Variants in BIRC7 observed in about 807,000 individuals in gnomAD.
BIRC7 encodes baculoviral IAP repeat-containing protein 7.
In BIRC7, 26 loss-of-function variants were observed where a neutral mutation model predicts 33.2. The observed-to-expected ratio is 0.78, with a 90% CI of 0.57 to 1.09. The LOEUF (loss-of-function observed/expected upper bound fraction) is 1.09, where lower values mean the gene tolerates loss of function less well. BIRC7 is among the 50% of genes least tolerant of loss of function. The pLI is 0.00. For missense variants in BIRC7, 409 were observed against 401.2 expected (o/e 1.02, Z -0.17); for synonymous variants, 176 against 171.0 (o/e 1.03, Z -0.23).
chr20:63,239,473 C>T lies in BIRC7; in HGVS notation c.765C>T (p.Cys255=). The T allele has an allele frequency of 1.2e-6, 2 of 1,606,896 alleles. No individual in the cohort carries two copies. Among genetic ancestry groups the T allele is most frequent in the Non-Finnish European group, 8.5e-7 (1 of 1,179,870 alleles). The change falls in exon 6 of 7, where the codon TGC becomes TGT. Residue 255 remains cysteine (C), a synonymous_variant. Coordinates refer to ENST00000217169, the MANE Select transcript of BIRC7 (RefSeq NM_139317.3). ...RLQEERTCKV[C]LDRAVSIVFV... Reference sequence around the variant, plus strand: ...AGGAGGAGAGGACGTGCAAGGTGTGCCTGGACCGCGCCGTGTCCATCGTCT... The same window carrying T: ...AGGAGGAGAGGACGTGCAAGGTGTGTCTGGACCGCGCCGTGTCCATCGTCT...
At chr20:63,237,846 C>CG in intron 1 of BIRC7, 57 bp from the exon 2 acceptor site, 1 of 1,473,362 alleles carries the variant, frequency 6.8e-7, no homozygotes, top group Non-Finnish European at 9.1e-7. Flanking sequence ...AAGGACACAC[C>CG]GGGGGCCCGG....
chr20:63,238,815 C>A (rs744591), intron 4 of BIRC7: 327,524 of 708,206 alleles, frequency 0.46, 77,045 homozygotes, highest in East Asian at 0.54. Context: ...CCCCCAGTGC[C>A]AGGCCCCATT....
chr20:63,238,971 T>G, intron 4 of BIRC7, 191 bp from the exon 5 acceptor site: 1 of 667,230 alleles, frequency 1.5e-6, no homozygotes, highest in Non-Finnish European at 2.6e-6. Context: ...GGCTCTCTGG[T>G]GGCGCCTCCA....
At chr20:63,236,559 G>A in intron 1 of BIRC7, 114 bp downstream of exon 1, 1 of 1,379,552 alleles carries the variant, frequency 7.2e-7, no homozygotes, top group South Asian at 1.8e-5. Context: ...GAAGGGTCTG[G>A]CCTGATGACG....
chr20:63,237,121 T>C (rs571621189), intron 1 of BIRC7, among the ~76,000 whole-genome samples: 17 of 152,270 alleles, frequency 1.1e-4, no homozygotes, highest in African/African-American at 3.9e-4. Context: ...GCCATGGTCA[T>C]TGTCAGCAGT....
Position 63,236,464 on chromosome 20 carries a change from G to A in BIRC7, c.349+19G>A, listed in dbSNP as rs1024741398. On this transcript the variant is annotated intron_variant, in intron 1 of 6. Coordinates refer to ENST00000217169, the MANE Select transcript of BIRC7 (RefSeq NM_139317.3). ...CACACAGGTCAGTCCCGGGCGGGGG[G>A]GCCTTCCTGCCGTGGGCCTGGGCAC... 2.7e-6 allele frequency: 4 copies of A among 1,507,950 alleles called. No individual in the cohort carries two copies. The highest frequency in any genetic ancestry group is 1.4e-5 in the African/African-American group (1 of 71,862). The allele number at this position is 1,507,950 out of a possible 1,614,324, so 93.4% of individuals were successfully genotyped here.
chr20:63,236,129 C>A lies in BIRC7; in HGVS notation c.33C>A (p.His11Gln). The A allele has an allele frequency of 6.3e-7, 1 of 1,577,880 alleles. No individual in the cohort carries two copies. The highest frequency in any genetic ancestry group is 1.1e-5 in the South Asian group (1 of 87,236). Residue 11 changes from histidine (H) to glutamine (Q), a missense_variant, in exon 1 of 7, where the codon CAC becomes CAA. Transcript: ENST00000217169. ...CTAAAGACAGTGCCAAGTGCCTGCA[C>A]CGTGGACCACAGCCGAGCCACTGGG... MGPKDSAKCLHRGPQPSHWAA... is the reference protein window; with the variant it reads MGPKDSAKCLQRGPQPSHWAA...
At chr20:63,237,828 A>G in intron 1 of BIRC7, 75 bp from the exon 2 acceptor site, 1 of 1,320,178 alleles carries the variant, frequency 7.6e-7, no homozygotes, top group Non-Finnish European at 1.0e-6. Flanking sequence ...AAGCTCTCAT[A>G]GCCTTGGAAG....
rs2066685612 is a variant in BIRC7, at chr20:63,236,037, T to C, written c.-60T>C. The C allele has an allele frequency of 1.4e-6, 2 of 1,461,240 alleles. No individual in the cohort carries two copies. Among genetic ancestry groups the C allele is most frequent in the Non-Finnish European group, 1.8e-6 (2 of 1,092,176 alleles). 90.5% of individuals were successfully genotyped at this position (1,461,240 alleles called of 1,614,324 possible). On this transcript the variant is annotated 5_prime_UTR_variant, in exon 1 of 7. Coordinates refer to ENST00000217169, the MANE Select transcript of BIRC7 (RefSeq NM_139317.3). ...CCAGAAGGGCCAGCTGGGCATATTC[T>C]GAGATTGGCCATCAGCCCCCATTTC... is the stretch of plus-strand genomic sequence containing the variant.
rs201443011 is a variant in BIRC7 at position 63,239,509 on chromosome 20, C to T, written c.801C>T (p.Cys267=). ...DRAVSIVFVP[C]GHLVCAECAP... ...CCGTGTCCATCGTCTTTGTGCCGTG[C>T]GGCCACCTGGTCTGTGCTGAGTGTG... Residue 267 remains cysteine, a synonymous_variant, in exon 6 of 7, where the codon TGC becomes TGT. Coordinates refer to ENST00000217169, the MANE Select transcript of BIRC7 (RefSeq NM_139317.3). 135 of 1,605,918 alleles carry T rather than the reference C, an allele frequency of 8.4e-5. No individual in the cohort carries two copies. Among genetic ancestry groups the T allele is most frequent in the Admixed American group, 1.2e-4 (7 of 59,986 alleles).
chr20:63,239,267 G>C (rs201147952), intron 5 of BIRC7, 34 bp downstream of exon 5: 17 of 1,609,928 alleles, frequency 1.1e-5, no homozygotes, highest in South Asian at 1.1e-5. Context: ...TGAGGGCTGG[G>C]GCAGGGGAGG....
intron 1 of BIRC7, 148 bp from the exon 2 acceptor site, chr20:63,237,755 C>T (rs1601255264): frequency 3.3e-6 from 2 of 603,576 alleles, no homozygotes; most frequent in Non-Finnish European, 5.6e-6. Flanking sequence ...AAGTGACATC[C>T]CCCACCAAGC....
Position 63,238,466 on chromosome 20 carries a change from C to T in BIRC7, c.520C>T (p.Leu174=), listed in dbSNP as rs774695783. 5 of 1,612,802 alleles carry T rather than the reference C, an allele frequency of 3.1e-6. No homozygotes were observed. The East Asian group carries it at 1.1e-4, about 36-fold the overall frequency. ...TGTGCAGGAGACTCACTCCCAGCTG[C>T]TGGGCTCCTGGGTGAGCGCCACCTC... is the stretch of plus-strand genomic sequence containing the variant. ...HSVQETHSQL[L]GSWDPWEEPE... is the part of the protein sequence containing the mutation. Residue 174 remains leucine, a synonymous_variant, in exon 3 of 7, where the codon CTG becomes TTG. Coordinates refer to ENST00000217169, the MANE Select transcript of BIRC7 (RefSeq NM_139317.3).
intron 1 of BIRC7, 143 bp from the exon 2 acceptor site, chr20:63,237,760 C>A: frequency 1.6e-6 from 1 of 626,368 alleles, no homozygotes; most frequent in Non-Finnish European, 2.7e-6. Context: ...ACATCCCCCA[C>A]CAAGCCCCCT....
chr20:63,238,255 C>A (rs6010878), intron 2 of BIRC7, 141 bp from the exon 3 acceptor site: 687,870 of 1,071,176 alleles, frequency 0.64, 223,217 homozygotes, highest in East Asian at 0.87. Context: ...GGCGTCTCCA[C>A]AGCAGCCCTC....
intron 2 of BIRC7, 134 bp from the exon 3 acceptor site, chr20:63,238,262 C>G: frequency 4.5e-6 from 5 of 1,122,132 alleles, no homozygotes; most frequent in Non-Finnish European, 6.6e-6. Flanking sequence ...CCACAGCAGC[C>G]CTCCTCGCCC....
Position 63,236,084 on chromosome 20 carries a change from C to A in BIRC7, c.-13C>A. ...TTTCTGCTGCAAACCTGGTCAGAGC[C>A]AGTGTTCCCTCCATGGGACCTAAAG... On this transcript the variant is annotated 5_prime_UTR_variant, in exon 1 of 7. Coordinates refer to ENST00000217169, the MANE Select transcript of BIRC7 (RefSeq NM_139317.3). The A allele has an allele frequency of 2.0e-6, 3 of 1,520,898 alleles. No individual in the cohort carries two copies. The highest frequency in any genetic ancestry group is 2.7e-6 in the Non-Finnish European group (3 of 1,124,144). The allele number at this position is 1,520,898 out of a possible 1,614,324, so 94.2% of individuals were successfully genotyped here.
intron 2 of BIRC7, 75 bp from the exon 3 acceptor site, chr20:63,238,319 GAC>G: frequency 6.4e-7 from 1 of 1,559,216 alleles, no homozygotes; most frequent in Non-Finnish European, 8.8e-7. Flanking sequence ...GCCCAACCCT[GAC>G]CCCCGGGGAT....
At chr20:63,238,721 C>A in intron 4 of BIRC7, 107 bp downstream of exon 4, 1 of 1,461,728 alleles carries the variant, frequency 6.8e-7, no homozygotes, top group South Asian at 1.2e-5. Flanking sequence ...GAGTGACGGG[C>A]ACGTGACAGG....
Sources: gnomAD v4.1 joint callset for allele counts (sites outside exome capture counted in the v4.1 genomes callset) on GRCh38, gnomAD v4.1.1 for gene constraint, MANE v1.5 for transcripts, NCBI Gene and HGNC (gene_info 2026-07-23, HGNC 2026-07-21) for gene names.